Variants in KLF8 observed in about 807,000 individuals in gnomAD.
The protein encoded by KLF8 is KLF transcription factor 8.
KLF8 carries 10 observed loss-of-function variants against 18.2 expected under a neutral mutation model. The observed-to-expected ratio is 0.55, with a 90% CI of 0.34 to 0.93. The LOEUF (loss-of-function observed/expected upper bound fraction) is 0.93, where lower values mean the gene tolerates loss of function less well. Among genes scored for constraint, KLF8 ranks in the 40% least tolerant of loss-of-function variants. The pLI, the probability that KLF8 is intolerant of heterozygous loss-of-function variation, is 0.02. For missense variants in KLF8, 264 were observed against 277.9 expected (o/e 0.95, Z 0.36); for synonymous variants, 109 against 97.3 (o/e 1.12, Z -0.71).
chrX:56,022,540 CTCTG>C, the KLF8 span, among the ~76,000 whole-genome samples: 5 of 74,965 alleles, frequency 6.7e-5, no homozygotes, highest in African/African-American at 4.2e-4. Context: ...CAGAGCGAGA[CTCTG>C]TCTGACCAAA....
In KLF8 at chrX:56,236,407, T is replaced by C. The variant is rs943877516; in HGVS notation, c.7+3066T>C. ...AAACACTTAGAAGGCGGCATGAAAG[T>C]GAAGCAGTGGGAAAATGTAGCTGTT... is the stretch of plus-strand genomic sequence containing the variant. On this transcript the variant is annotated intron_variant, in intron 1 of 5. Transcript: ENST00000468660. Among the ~76,000 whole-genome samples the C allele has an allele frequency of 8.9e-5, 10 of 112,051 alleles. No individual in the cohort carries two copies. The South Asian group carries it at 3.8e-3, about 42-fold the overall frequency.
chrX:56,163,605 A>G, the KLF8 span, among the ~76,000 whole-genome samples: 1 of 111,834 alleles, frequency 8.9e-6, no homozygotes, highest in South Asian at 3.7e-4. Context: ...ATGAGATTTC[A>G]TTAGTTGATT....
the KLF8 span, among the ~76,000 whole-genome samples, chrX:55,944,024 T>C: frequency 8.0e-5 from 9 of 112,642 alleles, no homozygotes; most frequent in Non-Finnish European, 1.7e-4. Flanking sequence ...AATAGACTCC[T>C]TGAGAGTTTT....
the KLF8 span, among the ~76,000 whole-genome samples, chrX:55,983,390 A>G: frequency 9.0e-6 from 1 of 111,581 alleles, no homozygotes; most frequent in South Asian, 3.7e-4. Context: ...GCTACTCCAC[A>G]TGGTTTTCCA....
intron 1 of KLF8, among the ~76,000 whole-genome samples, chrX:56,240,758 A>G (rs2066533808): frequency 8.9e-6 from 1 of 111,839 alleles, no homozygotes; most frequent in African/African-American, 3.3e-5. Context: ...TTTGGTATCA[A>G]ACATCATACC....
At chrX:56,080,816 A>C in the KLF8 span, among the ~76,000 whole-genome samples, 208 of 111,030 alleles carry the variant, frequency 1.9e-3, 2 homozygotes, top group African/African-American at 6.6e-3. Context: ...CTTTTCACAT[A>C]GTCCCATATT....
chrX:56,184,892 G>C, the KLF8 span, among the ~76,000 whole-genome samples: 1 of 111,766 alleles, frequency 8.9e-6, no homozygotes, highest in Non-Finnish European at 1.9e-5. Flanking sequence ...CATCATCAAA[G>C]ACCAAATTAG....
the KLF8 span, among the ~76,000 whole-genome samples, chrX:56,159,741 G>C: frequency 9.4e-6 from 1 of 106,693 alleles, no homozygotes; most frequent in Non-Finnish European, 1.9e-5. Flanking sequence ...ATATCCCCTT[G>C]ATCATTTTTT....
rs981525156 is a variant in KLF8, at chrX:56,285,964, A to G, written c.*1470A>G. 2.7e-5 allele frequency: 3 copies of G among 110,514 alleles called. No homozygotes were observed. Among genetic ancestry groups the G allele is most frequent in the African/African-American group, 9.9e-5 (3 of 30,341 alleles). The allele number at this position is 110,514 out of a possible 1,213,427, so 9.1% of individuals were successfully genotyped here. On this transcript the variant is annotated 3_prime_UTR_variant, in exon 6 of 6. Transcript: ENST00000468660. Reference sequence around the variant, plus strand: ...CCCTGCTTGAATACTTTAGGTTACTATTTCCTGAGGCTGTCCATTCTCACT... The same window carrying G: ...CCCTGCTTGAATACTTTAGGTTACTGTTTCCTGAGGCTGTCCATTCTCACT...
At chrX:56,020,995 T>A in the KLF8 span, among the ~76,000 whole-genome samples, 1 of 112,322 alleles carries the variant, frequency 8.9e-6, no homozygotes, top group African/African-American at 3.2e-5. Context: ...TATGTTTACA[T>A]TCTGATTTGC....
At chrX:56,170,614 AG>A in the KLF8 span, among the ~76,000 whole-genome samples, 1 of 110,169 alleles carries the variant, frequency 9.1e-6, no homozygotes. Context: ...GCATACAGAC[AG>A]GACATTTAAA....
At chrX:56,084,584 A>G in the KLF8 span, among the ~76,000 whole-genome samples, 1 of 111,938 alleles carries the variant, frequency 8.9e-6, no homozygotes, top group Non-Finnish European at 1.9e-5. Flanking sequence ...ATGGAATCAG[A>G]AGAAGGGAGG....
chrX:55,976,710 A>C, the KLF8 span, among the ~76,000 whole-genome samples: 1 of 111,351 alleles, frequency 9.0e-6, no homozygotes, highest in Non-Finnish European at 1.9e-5. Flanking sequence ...ATTGCATTGA[A>C]TCATTAGATT....
At chrX:56,121,963 G>GT in the KLF8 span, among the ~76,000 whole-genome samples, 1 of 111,617 alleles carries the variant, frequency 9.0e-6, no homozygotes, top group Non-Finnish European at 1.9e-5. Context: ...TTGGGTGATA[G>GT]TTTTTTCTCT....
chrX:56,067,160 A>G, the KLF8 span, among the ~76,000 whole-genome samples: 4 of 105,409 alleles, frequency 3.8e-5, no homozygotes, highest in Admixed American at 9.8e-5. Flanking sequence ...TTTGTGTGGT[A>G]GAAGCTTTAA....
the KLF8 span, among the ~76,000 whole-genome samples, chrX:55,977,048 T>C: frequency 8.9e-6 from 1 of 112,212 alleles, no homozygotes; most frequent in African/African-American, 3.2e-5. Flanking sequence ...ATGTATAAGA[T>C]AGGTCATCTG....
chrX:55,929,349 T>A, the KLF8 span, among the ~76,000 whole-genome samples: 4 of 112,449 alleles, frequency 3.6e-5, no homozygotes, highest in Admixed American at 2.8e-4. Context: ...TTTCTTTTGC[T>A]GTGTAGAAGC....
the KLF8 span, among the ~76,000 whole-genome samples, chrX:56,112,186 T>A: frequency 9.0e-6 from 1 of 111,651 alleles, no homozygotes; most frequent in African/African-American, 3.3e-5. Context: ...TTTGCAGGGA[T>A]GTGGATGAAG....
chrX:55,972,673 T>A, the KLF8 span, among the ~76,000 whole-genome samples: 4 of 110,781 alleles, frequency 3.6e-5, no homozygotes, highest in African/African-American at 1.3e-4. Flanking sequence ...TATGTACCCA[T>A]AAAAATTTTA....
Sources: gnomAD v4.1 joint callset for allele counts (sites outside exome capture counted in the v4.1 genomes callset) on GRCh38, gnomAD v4.1.1 for gene constraint, MANE v1.5 for transcripts, NCBI Gene and HGNC (gene_info 2026-07-23, HGNC 2026-07-21) for gene names.